Variants in SDHB observed in about 807,000 individuals in gnomAD.
SDHB encodes succinate dehydrogenase [ubiquinone] iron-sulfur subunit, mitochondrial.
In SDHB, 21 loss-of-function variants were observed where a neutral mutation model predicts 39.7. The observed-to-expected ratio is 0.53, with a 90% confidence interval of 0.37 to 0.76. SDHB has a LOEUF of 0.76. Ranked by LOEUF, SDHB falls within the 30% of genes least tolerant of loss-of-function variation. The pLI is 0.00. For missense variants in SDHB, 343 were observed against 350.9 expected, an observed-to-expected ratio of 0.98 and a Z score of 0.18; for synonymous variants, 118 against 117.0, an observed-to-expected ratio of 1.01 and a Z score of -0.06.
At chr1:17,031,663 T>G (rs981486563) in intron 3 of SDHB, among the ~76,000 whole-genome samples, 1 of 152,210 alleles carries the variant, frequency 6.6e-6, no homozygotes, top group Admixed American at 6.5e-5. Context: ...CTTAAAAGAC[T>G]TGAAATGCTT....
chr1:17,034,173 G>A (rs111659860), intron 2 of SDHB, among the ~76,000 whole-genome samples: 5 of 151,484 alleles, frequency 3.3e-5, no homozygotes, highest in African/African-American at 9.7e-5. Flanking sequence ...TTCTTGAGAC[G>A]GGGTCTTGCT....
At chr1:17,030,958 T>C (rs1448119838) in intron 3 of SDHB, among the ~76,000 whole-genome samples, 1 of 150,714 alleles carries the variant, frequency 6.6e-6, no homozygotes, top group African/African-American at 2.4e-5. Flanking sequence ...CCTCACCTTT[T>C]TTTTTTTTTT....
chr1:17,022,456 C>T (rs1431540960), intron 7 of SDHB, 152 bp downstream of exon 7: 1 of 1,088,028 alleles, frequency 9.2e-7, no homozygotes, highest in African/African-American at 1.5e-5. Context: ...CCAAACTAGC[C>T]CCTAGGCTCA....
At chr1:17,045,744 G>A (rs1203989754) in intron 1 of SDHB, among the ~76,000 whole-genome samples, 3 of 152,180 alleles carry the variant, frequency 2.0e-5, no homozygotes, top group African/African-American at 7.2e-5. Context: ...TATTACTGAG[G>A]CAGGAGAACA....
chr1:17,053,433 C>T (rs1156523594), intron 1 of SDHB, among the ~76,000 whole-genome samples: 1 of 152,080 alleles, frequency 6.6e-6, no homozygotes, highest in Non-Finnish European at 1.5e-5. Context: ...GGTGCATTTC[C>T]CTCCATCTCT....
At chr1:17,040,990 C>T (rs1338105467) in intron 2 of SDHB, among the ~76,000 whole-genome samples, 1 of 151,872 alleles carries the variant, frequency 6.6e-6, no homozygotes, top group Non-Finnish European at 1.5e-5. Context: ...ATTAGCTGGG[C>T]GTGGTGGTGC....
intron 4 of SDHB, 113 bp from the exon 5 acceptor site, chr1:17,027,978 C>T: frequency 2.8e-6 from 2 of 710,146 alleles, no homozygotes; most frequent in Non-Finnish European, 5.1e-6. Flanking sequence ...CACTCTATGC[C>T]AGGCAGAAGC....
intron 2 of SDHB, 27 bp from the exon 3 acceptor site, chr1:17,033,172 T>C (rs2078032829): frequency 1.3e-6 from 2 of 1,529,472 alleles, no homozygotes; most frequent in South Asian, 1.1e-5. Context: ...TCCAGTGGTA[T>C]TTATGTAACG....
At chr1:17,036,210 A>G (rs11579925) in intron 2 of SDHB, among the ~76,000 whole-genome samples, 63,637 of 152,056 alleles carry the variant, frequency 0.42, 15,185 homozygotes, top group Non-Finnish European at 0.54. Flanking sequence ...AACAACATTA[A>G]GTCTTCCAAC....
At chr1:17,030,371 G>A (rs575252529) in intron 3 of SDHB, among the ~76,000 whole-genome samples, 75 of 152,084 alleles carry the variant, frequency 4.9e-4, no homozygotes, top group African/African-American at 1.8e-3. Flanking sequence ...CATAAAATAC[G>A]CAGCATAGTA....
At chr1:17,038,823 T>C (rs1338948001) in intron 2 of SDHB, among the ~76,000 whole-genome samples, 1 of 152,232 alleles carries the variant, frequency 6.6e-6, no homozygotes, top group Non-Finnish European at 1.5e-5. Context: ...TGTTAAAATA[T>C]ACACACTGTG....
intron 1 of SDHB, among the ~76,000 whole-genome samples, chr1:17,045,774 C>T (rs953335485): frequency 3.3e-5 from 5 of 152,116 alleles, no homozygotes; most frequent in African/African-American, 1.2e-4. Flanking sequence ...GACAGGGAGT[C>T]TTCACTACAG....
intron 5 of SDHB, among the ~76,000 whole-genome samples, chr1:17,024,755 C>T (rs1205037991): frequency 6.6e-6 from 1 of 152,242 alleles, no homozygotes; most frequent in East Asian, 1.9e-4. Flanking sequence ...ACACCTGCCA[C>T]ACTGGGTCAA....
rs1447296504 is a variant in SDHB, at chr1:17,025,376, C to T, written c.541-1302G>A. ...AAACAAAGGAAACTATAAATATTAA[C>T]AGAGATTATGTTTTGGTGGTGGAAT... On this transcript the variant is annotated intron_variant, in intron 5 of 7. Transcript: ENST00000375499. Among the ~76,000 whole-genome samples, 4 of 149,580 alleles carry T rather than the reference C, an allele frequency of 2.7e-5. No homozygotes were observed. In the South Asian group the frequency reaches 6.3e-4, roughly 23 times the overall value.
chr1:17,049,647 CTTTTTTTTTTTTTTTTT>C (rs397835910), intron 1 of SDHB, among the ~76,000 whole-genome samples: 3 of 52,064 alleles, frequency 5.8e-5, no homozygotes, highest in African/African-American at 9.8e-5. Flanking sequence ...TCCCCTAGTT[CTTTTTTTTTTTTTTTTT>C]TTTTTTTTTT....
intron 1 of SDHB, among the ~76,000 whole-genome samples, chr1:17,048,480 C>T (rs2078125890): frequency 6.6e-6 from 1 of 150,976 alleles, no homozygotes; most frequent in South Asian, 2.1e-4. Context: ...AACGTTACAT[C>T]TTCATTTCTC....
chr1:17,049,647 C>CTATTTTTTTTTTTTT (rs2078133829), intron 1 of SDHB, among the ~76,000 whole-genome samples: 1 of 52,064 alleles, frequency 1.9e-5, no homozygotes, highest in Non-Finnish European at 3.0e-5. Context: ...TCCCCTAGTT[C>CTATTTTTTTTTTTTT]TTTTTTTTTT....
At chr1:17,035,830 A>AGCCT (rs1332024404) in intron 2 of SDHB, among the ~76,000 whole-genome samples, 1 of 152,144 alleles carries the variant, frequency 6.6e-6, no homozygotes, top group African/African-American at 2.4e-5. Context: ...ACTGCACTCC[A>AGCCT]GCCTGGGAGA....
intron 1 of SDHB, 67 bp downstream of exon 1, chr1:17,053,881 C>T (rs890055609): frequency 2.6e-6 from 3 of 1,173,990 alleles, no homozygotes; most frequent in Admixed American, 1.9e-5. Flanking sequence ...CTCTCCGCAG[C>T]CCCATCAGCT....
Sources: allele counts gnomAD v4.1 joint callset (sites outside exome capture counted in the v4.1 genomes callset), GRCh38; gene constraint gnomAD v4.1.1; transcripts MANE v1.5; gene names NCBI Gene and HGNC (gene_info 2026-07-23, HGNC 2026-07-21).